Variants in DEFB107A observed in about 807,000 individuals in gnomAD.
The protein encoded by DEFB107A is beta-defensin 107.
At chr8:7,813,321 C>A (rs1817131104) in intron 1 of DEFB107A, among the ~76,000 whole-genome samples, 1 of 143,720 alleles carries the variant, frequency 7.0e-6, no homozygotes. Flanking sequence ...TCTAACCCTG[C>A]CTGTTAGAAT....
At chr8:7,813,853 T>A (rs1361464846) in intron 1 of DEFB107A, among the ~76,000 whole-genome samples, 1 of 150,676 alleles carries the variant, frequency 6.6e-6, no homozygotes, top group Non-Finnish European at 1.5e-5. Flanking sequence ...CATCCACATC[T>A]ATAGACTGAT....
At chr8:7,814,007 G>A (rs1189119098) in intron 1 of DEFB107A, among the ~76,000 whole-genome samples, 1 of 102,302 alleles carries the variant, frequency 9.8e-6, no homozygotes, top group Admixed American at 1.2e-4. Flanking sequence ...CACTTTCATG[G>A]AGTCACTGAA....
chr8:7,814,891 G>T, intron 1 of DEFB107A, among the ~76,000 whole-genome samples: 1 of 78,862 alleles, frequency 1.3e-5, no homozygotes, highest in Non-Finnish European at 2.4e-5. Context: ...AAATATGTTT[G>T]GCATTTCCTT....
chr8:7,813,359 CTG>C (rs1817132041), intron 1 of DEFB107A, among the ~76,000 whole-genome samples: 1 of 146,498 alleles, frequency 6.8e-6, no homozygotes, highest in Non-Finnish European at 1.5e-5. Flanking sequence ...AAATGGTCAA[CTG>C]TTTAGGATGG....
intron 1 of DEFB107A, among the ~76,000 whole-genome samples, chr8:7,812,594 T>C (rs1161212012): frequency 7.5e-6 from 1 of 134,130 alleles, no homozygotes; most frequent in African/African-American, 2.5e-5. Context: ...AACAGGAATC[T>C]TTTTTAATTG....
At chr8:7,812,952 C>CAT (rs1491404479) in intron 1 of DEFB107A, among the ~76,000 whole-genome samples, 477 of 148,858 alleles carry the variant, frequency 3.2e-3, no homozygotes, top group East Asian at 4.9e-3. Context: ...CACACACACA[C>CAT]ATATATATAT....
At chr8:7,813,578 C>T (rs1209761596) in intron 1 of DEFB107A, among the ~76,000 whole-genome samples, 1 of 151,990 alleles carries the variant, frequency 6.6e-6, no homozygotes, top group African/African-American at 2.4e-5. Flanking sequence ...CAAAACAATG[C>T]TATTATTATT....
chr8:7,813,547 T>C (rs1216094070), intron 1 of DEFB107A, among the ~76,000 whole-genome samples: 3 of 151,926 alleles, frequency 2.0e-5, no homozygotes, highest in African/African-American at 7.3e-5. Flanking sequence ...TTCTAATTAA[T>C]ATAACAAGTT....
chr8:7,813,205 C>T (rs1817128523), intron 1 of DEFB107A, among the ~76,000 whole-genome samples: 1 of 125,688 alleles, frequency 8.0e-6, no homozygotes, highest in Admixed American at 8.8e-5. Flanking sequence ...CACATCAGCT[C>T]CTAGCTTCCT....
chr8:7,814,935 T>C lies in DEFB107A; in HGVS notation c.70+624A>G, dbSNP rs1440598629. 3.9e-3 allele frequency among the ~76,000 whole-genome samples: 355 copies of C among 90,102 alleles called. 12 individuals carry two copies. The highest frequency in any genetic ancestry group is 0.016 in the African/African-American group (339 of 21,562). 59.1% of individuals were successfully genotyped at this position (90,102 alleles called of 152,430 possible). On this transcript the variant is annotated intron_variant, in intron 1 of 1. Coordinates refer to ENST00000335021, the MANE Select transcript of DEFB107A (RefSeq NM_001037668.1). ...TTTTCTTTCTTTTTTTTTTTTTTTT[T>C]CATTTTAAAGAAATCACTTTAGAAT...
intron 1 of DEFB107A, among the ~76,000 whole-genome samples, chr8:7,812,928 C>CAT: frequency 7.7e-6 from 1 of 130,126 alleles, no homozygotes. Flanking sequence ...CACACACGCA[C>CAT]ACACATACAC....
chr8:7,813,992 A>T (rs1585682378), intron 1 of DEFB107A, among the ~76,000 whole-genome samples: 1 of 120,174 alleles, frequency 8.3e-6, no homozygotes, highest in African/African-American at 3.2e-5. Flanking sequence ...TGATTTTACA[A>T]CTGACACTTT....
intron 1 of DEFB107A, among the ~76,000 whole-genome samples, chr8:7,813,481 G>GT: frequency 6.6e-6 from 1 of 150,876 alleles, no homozygotes; most frequent in Non-Finnish European, 1.5e-5. Flanking sequence ...GAGAAATAAG[G>GT]TTTTGTCTTT....
chr8:7,813,552 C>T (rs1185999522), intron 1 of DEFB107A, among the ~76,000 whole-genome samples: 1 of 151,906 alleles, frequency 6.6e-6, no homozygotes, highest in Non-Finnish European at 1.5e-5. Context: ...ATTAATATAA[C>T]AAGTTTATTC....
At chr8:7,813,847 C>G (rs1817152258) in intron 1 of DEFB107A, among the ~76,000 whole-genome samples, 1 of 150,614 alleles carries the variant, frequency 6.6e-6, no homozygotes, top group African/African-American at 2.5e-5. Flanking sequence ...ATTAGGCATC[C>G]ACATCTATAG....
At chr8:7,814,876 T>C (rs1817177205) in intron 1 of DEFB107A, among the ~76,000 whole-genome samples, 5 of 76,142 alleles carry the variant, frequency 6.6e-5, no homozygotes, top group Middle Eastern at 7.5e-3. Flanking sequence ...CTTCCCTAAC[T>C]TAACAAATAT....
intron 1 of DEFB107A, among the ~76,000 whole-genome samples, chr8:7,813,979 A>T (rs1817158010): frequency 7.9e-6 from 1 of 127,246 alleles, no homozygotes; most frequent in Non-Finnish European, 1.7e-5. Flanking sequence ...GAAAATCGGG[A>T]ACTGATTTTA....
intron 1 of DEFB107A, among the ~76,000 whole-genome samples, chr8:7,813,070 G>T (rs1473188704): frequency 2.0e-5 from 3 of 147,012 alleles, no homozygotes; most frequent in African/African-American, 7.4e-5. Context: ...TAGAGTATGT[G>T]CCTGCCACTG....
At chr8:7,812,966 T>C (rs868001856) in intron 1 of DEFB107A, among the ~76,000 whole-genome samples, 105 of 151,450 alleles carry the variant, frequency 6.9e-4, no homozygotes, top group African/African-American at 2.4e-3. Context: ...TATATATATA[T>C]ACATGTATAG....
Sources: allele counts gnomAD v4.1 joint callset (sites outside exome capture counted in the v4.1 genomes callset), GRCh38; gene constraint gnomAD v4.1.1; transcripts MANE v1.5; gene names NCBI Gene and HGNC (gene_info 2026-07-23, HGNC 2026-07-21).